PARN: variants seen among roughly 807,000 people sequenced by gnomAD.
PARN encodes poly(A)-specific ribonuclease PARN.
PARN carries 71 observed loss-of-function variants against 102.8 expected under a neutral mutation model. The ratio of observed to expected loss-of-function variants is 0.69; its 90% CI spans 0.57 to 0.84. The LOEUF (loss-of-function observed/expected upper bound fraction) is 0.84, where lower values mean the gene tolerates loss of function less well. Among genes scored for constraint, PARN ranks in the 40% least tolerant of loss-of-function variants. The pLI is 0.00. For synonymous variants in PARN, 261 were observed against 252.9 expected (o/e 1.03, Z -0.30); for missense variants, 782 against 760.9 (o/e 1.03, Z -0.33).
At chr16:14,560,385 G>A (rs939293759) in intron 18 of PARN, among the ~76,000 whole-genome samples, 14 of 152,182 alleles carry the variant, frequency 9.2e-5, no homozygotes, top group Non-Finnish European at 2.1e-4. Flanking sequence ...GACTGCGTGC[G>A]GGTATCTTGC....
chr16:14,617,010 T>C (rs1451808346), intron 6 of PARN, among the ~76,000 whole-genome samples: 2 of 151,162 alleles, frequency 1.3e-5, no homozygotes, highest in Non-Finnish European at 2.9e-5. Flanking sequence ...AAAGGCCTTA[T>C]CAGAGTTAAA....
Position 14,612,618 on chromosome 16 carries a change from A to G in PARN, c.389-1809T>C, listed in dbSNP as rs545986073. Among the ~76,000 whole-genome samples, 153 of 151,776 alleles carry G rather than the reference A, an allele frequency of 1.0e-3. 1 individual carries two copies. The highest frequency in any genetic ancestry group is 3.4e-3 in the African/African-American group (140 of 41,382). ...TTTTTTTTCTTTTTTTTCTTTTTAG[A>G]ACGAAGTCTTGCTCTGTCACCCAGG... On this transcript the variant is annotated intron_variant, in intron 6 of 23. Transcript: ENST00000437198.
At chr16:14,497,888 C>G (rs1314895178) in intron 21 of PARN, among the ~76,000 whole-genome samples, 1 of 152,108 alleles carries the variant, frequency 6.6e-6, no homozygotes, top group Non-Finnish European at 1.5e-5. Flanking sequence ...CTTTGGGAGG[C>G]CAAGGCAGGT....
At chr16:14,580,818 T>C (rs1969484872) in intron 18 of PARN, 56 bp downstream of exon 18, 3 of 1,005,848 alleles carry the variant, frequency 3.0e-6, no homozygotes, top group Non-Finnish European at 4.7e-6. Flanking sequence ...CATCCCAAGA[T>C]ATGAGGCTGT....
At chr16:14,439,111 A>C (rs958442627) in intron 23 of PARN, among the ~76,000 whole-genome samples, 2 of 152,304 alleles carry the variant, frequency 1.3e-5, no homozygotes, top group African/African-American at 4.8e-5. Flanking sequence ...GTGGTGGCTC[A>C]TGCCTGTAAT....
intron 23 of PARN, among the ~76,000 whole-genome samples, chr16:14,437,817 C>T (rs1454458302): frequency 6.6e-6 from 1 of 152,182 alleles, no homozygotes; most frequent in Non-Finnish European, 1.5e-5. Context: ...CAGTGTCTTA[C>T]AAACTAGGGA....
At chr16:14,572,133 A>G (rs2151735838) in intron 18 of PARN, among the ~76,000 whole-genome samples, 1 of 152,302 alleles carries the variant, frequency 6.6e-6, no homozygotes, top group South Asian at 2.1e-4. Flanking sequence ...AGGGAGGGAC[A>G]GGCTGGACAG....
chr16:14,448,416 G>C (rs1392165059), intron 22 of PARN, among the ~76,000 whole-genome samples: 1 of 151,994 alleles, frequency 6.6e-6, no homozygotes, highest in African/African-American at 2.4e-5. Context: ...CAAAGTGCTG[G>C]GATTACAGGC....
At chr16:14,476,044 G>C (rs1207772066) in intron 22 of PARN, among the ~76,000 whole-genome samples, 1 of 152,020 alleles carries the variant, frequency 6.6e-6, no homozygotes, top group Non-Finnish European at 1.5e-5. Context: ...TTTACTTGAA[G>C]ACAGTCAAAA....
At chr16:14,568,197 AT>A (rs1033869910) in intron 18 of PARN, among the ~76,000 whole-genome samples, 2 of 147,088 alleles carry the variant, frequency 1.4e-5, no homozygotes, top group African/African-American at 2.5e-5. Context: ...GAAAAACTTT[AT>A]TTTTTTTATT....
intron 12 of PARN, among the ~76,000 whole-genome samples, chr16:14,595,349 C>A (rs1970437373): frequency 6.6e-6 from 1 of 151,878 alleles, no homozygotes. Context: ...CCCATGCGCA[C>A]ACACACACAA....
At chr16:14,581,537 CAT>C (rs1969533932) in intron 17 of PARN, among the ~76,000 whole-genome samples, 1 of 152,070 alleles carries the variant, frequency 6.6e-6, no homozygotes, top group Non-Finnish European at 1.5e-5. Context: ...CCCTAAAATT[CAT>C]ATGTTGAAGC....
intron 22 of PARN, among the ~76,000 whole-genome samples, chr16:14,461,152 T>C (rs959818287): frequency 2.6e-5 from 4 of 152,114 alleles, no homozygotes; most frequent in Non-Finnish European, 4.4e-5. Flanking sequence ...GCCAATTTCA[T>C]CCTGAAACTG....
At chr16:14,532,505 A>G (rs904665330) in intron 21 of PARN, among the ~76,000 whole-genome samples, 1 of 148,314 alleles carries the variant, frequency 6.7e-6, no homozygotes, top group Non-Finnish European at 1.5e-5. Context: ...AAGGTCACAG[A>G]TAAACAGGAT....
In PARN at chr16:14,484,660, G is replaced by C. The variant is rs555263819; in HGVS notation, c.1481-1833C>G. 3.9e-5 allele frequency among the ~76,000 whole-genome samples: 6 copies of C among 152,308 alleles called. No individual in the cohort carries two copies. The South Asian group carries it at 1.0e-3, about 26-fold the overall frequency. On this transcript the variant is annotated intron_variant, in intron 21 of 23. Transcript: ENST00000437198. ...CCAGTTTACCAGGGACCTTAAAACA[G>C]AGGGAAAGACAACTGTATGAGAGGC...
At chr16:14,483,071 T>C (rs191590051) in intron 21 of PARN, among the ~76,000 whole-genome samples, 5 of 152,222 alleles carry the variant, frequency 3.3e-5, no homozygotes. Context: ...TGAAAGTACT[T>C]TGTAAACTGT....
intron 22 of PARN, among the ~76,000 whole-genome samples, chr16:14,451,843 TAAAAAAAAAAAAAAAAAAAAAAATAC>T (rs1214251523): frequency 0.093 from 5,032 of 54,128 alleles, 127 homozygotes; most frequent in African/African-American, 0.17. Context: ...ACCCCGTCTC[TAAAAAAAAAAAAAAAAAAAAAAATAC>T]AAAAAAAAAA....
intron 21 of PARN, among the ~76,000 whole-genome samples, chr16:14,532,561 T>C (rs1016730056): frequency 6.6e-5 from 10 of 152,114 alleles, no homozygotes; most frequent in Admixed American, 2.0e-4. Flanking sequence ...CTCCCATGTC[T>C]ACCTCTCTCC....
chr16:14,497,009 G>A lies in PARN; in HGVS notation c.1481-14182C>T, dbSNP rs766815518. ...GCCGTGCACAGCCAGTATTTAACCCGTTGTTGACGCCCCTTCCCCTGCCTG... is the reference window on the plus strand; with the variant it reads ...GCCGTGCACAGCCAGTATTTAACCCATTGTTGACGCCCCTTCCCCTGCCTG... On this transcript the variant is annotated intron_variant, in intron 21 of 23. Coordinates refer to ENST00000437198, the MANE Select transcript of PARN (RefSeq NM_002582.4). Among the ~76,000 whole-genome samples, 11 of 152,250 alleles carry A rather than the reference G, an allele frequency of 7.2e-5. No individual in the cohort carries two copies. In the South Asian group the frequency reaches 1.0e-3, roughly 14 times the overall value.
Sources: allele counts gnomAD v4.1 joint callset (sites outside exome capture counted in the v4.1 genomes callset), GRCh38; gene constraint gnomAD v4.1.1; transcripts MANE v1.5; gene names NCBI Gene and HGNC (gene_info 2026-07-23, HGNC 2026-07-21).